Variants in LOXL4 observed in about 807,000 individuals in gnomAD.
The protein encoded by LOXL4 is lysyl oxidase homolog 4.
In LOXL4, 72 loss-of-function variants were observed where a neutral mutation model predicts 89.1. That is an observed-to-expected ratio of 0.81 (90% confidence interval 0.67 to 0.98). The LOEUF is 0.98. Among genes scored for constraint, LOXL4 ranks in the 50% least tolerant of loss-of-function variants. LOXL4 has a pLI of 0.00. For missense variants in LOXL4, 984 were observed against 1,017.5 expected (o/e 0.97, Z 0.45); for synonymous variants, 355 against 392.1 (o/e 0.91, Z 1.12).
chr10:98,252,548 C>G, intron 11 of LOXL4, 80 bp from the exon 12 acceptor site: 4 of 946,856 alleles, frequency 4.2e-6, no homozygotes. Context: ...AAGACAGGCC[C>G]CAGGCCCCAT....
intron 5 of LOXL4, 30 bp downstream of exon 5, chr10:98,259,361 G>A (rs776232381): frequency 1.2e-6 from 2 of 1,610,762 alleles, no homozygotes; most frequent in African/African-American, 1.3e-5. Context: ...ACACCCCTTT[G>A]CCTCCTCCCT....
At position 98,262,143 on chromosome 10, in the gene LOXL4, G is replaced by A. The variant is rs747368279; in HGVS notation, c.348C>T (p.Gly116=). The A allele has an allele frequency of 6.2e-7, 1 of 1,613,670 alleles. No homozygotes were observed. The highest frequency in any genetic ancestry group is 1.1e-5 in the South Asian group (1 of 91,062). ...AGTGACTGCAGTCACTGACTCCCCA[G>A]CCATTAGACCCGCACTGGTCCAAGG... ...ESSLDQCGSN[G]WGVSDCSHSE... is the part of the protein sequence containing the mutation. Residue 116 remains glycine (G), a synonymous_variant, in exon 3 of 15, where the codon GGC becomes GGT. Coordinates refer to ENST00000260702, the MANE Select transcript of LOXL4 (RefSeq NM_032211.7).
chr10:98,251,309 G>T, intron 13 of LOXL4, 133 bp from the exon 14 acceptor site: 1 of 819,176 alleles, frequency 1.2e-6, no homozygotes, highest in Non-Finnish European at 2.0e-6. Context: ...GGTAGGTACT[G>T]ATGTTCCCAT....
At chr10:98,252,620 T>G (rs552527561) in intron 11 of LOXL4, 152 bp from the exon 12 acceptor site, 1 of 593,124 alleles carries the variant, frequency 1.7e-6, no homozygotes, top group African/African-American at 1.9e-5. Flanking sequence ...CCGAGATTAG[T>G]GTGACGCACA....
rs3793692 is a variant in LOXL4, at chr10:98,248,679, G to A, written c.*242C>T. 0.34 allele frequency: 151,254 copies of A among 447,712 alleles called. 27,007 individuals carry two copies. The highest frequency in any genetic ancestry group is 0.5 in the East Asian group (13,154 of 26,092). The allele number at this position is 447,712 out of a possible 1,614,324, so 27.7% of individuals were successfully genotyped here. A position where few individuals can be genotyped will look rare whatever the true frequency, so the allele number is the denominator to read the frequency against. ...TTCCTTACAGAAGAGGAGCTCAGCT[G>A]AGCAAAGCCTGGAGGACATATTCCA... On this transcript the variant is annotated 3_prime_UTR_variant, in exon 15 of 15. Coordinates refer to ENST00000260702, the MANE Select transcript of LOXL4 (RefSeq NM_032211.7).
At position 98,258,157 on chromosome 10, in the gene LOXL4, C is replaced by G; in HGVS notation, c.929G>C (p.Arg310Thr). 1.2e-6 allele frequency: 2 copies of G among 1,610,340 alleles called. No individual in the cohort carries two copies. Among genetic ancestry groups the G allele is most frequent in the South Asian group, 2.2e-5 (2 of 90,962 alleles). ...QRKGSWAEEPRVRLRSGAQVG... is the reference protein window; with the variant it reads ...QRKGSWAEEPTVRLRSGAQVG... ...CTGGGCCCCGGAGCGCAGGCGCACC[C>G]TCGGCTCCTGCTGGGAGAAACCTGC... Residue 310 changes from arginine (R) to threonine (T), a missense_variant, in exon 7 of 15, where the codon AGG becomes ACG. Arg to Thr is a moderately conservative substitution (Grantham distance 71). Coordinates refer to ENST00000260702, the MANE Select transcript of LOXL4 (RefSeq NM_032211.7).
chr10:98,253,831 G>C (rs1268126752), intron 10 of LOXL4, 35 bp from the exon 11 acceptor site: 2 of 1,611,576 alleles, frequency 1.2e-6, no homozygotes, highest in Non-Finnish European at 1.7e-6. Context: ...TGACTCAAAG[G>C]GTGGAAAGGC....
In LOXL4 at chr10:98,261,073, G is replaced by T. The variant is rs745930819; in HGVS notation, c.511C>A (p.His171Asn). 2 of 1,613,838 alleles carry T rather than the reference G, an allele frequency of 1.2e-6. No homozygotes were observed. Among genetic ancestry groups the T allele is most frequent in the Non-Finnish European group, 1.7e-6 (2 of 1,180,034 alleles). ...LKPILASAKQ[H>N]SPVTEGAVEV... ...ACGGCTCCCTCGGTCACTGGGCTAT[G>T]CTGCTTGGCACTGGCAAGGATGGGC... Residue 171 changes from histidine to asparagine, a missense_variant, in exon 4 of 15, where the codon CAT (histidine) becomes AAT (asparagine). Coordinates refer to ENST00000260702, the MANE Select transcript of LOXL4 (RefSeq NM_032211.7).
At chr10:98,251,850 G>T in intron 12 of LOXL4, 148 bp from the exon 13 acceptor site, 2 of 928,874 alleles carry the variant, frequency 2.2e-6, no homozygotes, top group Non-Finnish European at 3.1e-6. Context: ...CAGCACCATA[G>T]CAAACCACAT....
At chr10:98,258,231 G>T in intron 6 of LOXL4, 67 bp from the exon 7 acceptor site, 1 of 1,481,306 alleles carries the variant, frequency 6.8e-7, no homozygotes, top group Non-Finnish European at 9.1e-7. Flanking sequence ...AGCCCCCACA[G>T]CGGGATCCCC....
chr10:98,248,730 C>A lies in LOXL4; in HGVS notation c.*191G>T. 7 of 595,688 alleles carry A rather than the reference C, an allele frequency of 1.2e-5. No homozygotes were observed. In the South Asian group the frequency reaches 1.4e-4, roughly 12 times the overall value. 36.9% of individuals were successfully genotyped at this position (595,688 alleles called of 1,614,324 possible). On this transcript the variant is annotated 3_prime_UTR_variant, in exon 15 of 15. Transcript: ENST00000260702. ...TAGGCCACAGGCCCTTAGGGGCAGGCCCAGAGCCATCCTGAGGGAGCAATA... is the reference window on the plus strand; with the variant it reads ...TAGGCCACAGGCCCTTAGGGGCAGGACCAGAGCCATCCTGAGGGAGCAATA...
chr10:98,257,894 G>T (rs190460417), intron 7 of LOXL4, 87 bp downstream of exon 7: 3 of 1,580,488 alleles, frequency 1.9e-6, no homozygotes, highest in Non-Finnish European at 2.6e-6. Flanking sequence ...ATAACTTTCT[G>T]TCCTGGCCCT....
Position 98,260,984 on chromosome 10 carries a change from G to A in LOXL4, c.600C>T (p.Ser200=), listed in dbSNP as rs1858520707. 3 of 1,613,942 alleles carry A rather than the reference G, an allele frequency of 1.9e-6. No homozygotes were observed. Among genetic ancestry groups the A allele is most frequent in the Middle Eastern group, 1.6e-4 (1 of 6,062 alleles). ...AGCCCAGCATCCCGCACACCACCCTGCTGTTGTTCATGGTCCAGCCCTGGT... is the reference window on the plus strand; with the variant it reads ...AGCCCAGCATCCCGCACACCACCCTACTGTTGTTCATGGTCCAGCCCTGGT... ...VCDQGWTMNN[S]RVVCGMLGFP... The change falls in exon 4 of 15, where the codon AGC becomes AGT. Residue 200 remains serine (S), a synonymous_variant. Transcript: ENST00000260702.
rs150621494 is a variant in LOXL4 at position 98,254,910 on chromosome 10, T to C, written c.1591+667A>G. On this transcript the variant is annotated intron_variant, in intron 10 of 14. Transcript: ENST00000260702. ...CTGACAAAGATGAAGGATATCTTGG[T>C]GTCGAAATTTGGCCACGAACAAGGT... Among the ~76,000 whole-genome samples the C allele has an allele frequency of 1.3e-4, 20 of 152,292 alleles. No individual in the cohort carries two copies. The East Asian group carries it at 3.3e-3, about 25-fold the overall frequency.
At position 98,253,595 on chromosome 10, in the gene LOXL4, G is replaced by C. The variant is rs144319400; in HGVS notation, c.1793C>G (p.Pro598Arg). The change falls in exon 11 of 15, where the codon CCA becomes CGA. Residue 598 changes from proline to arginine, a missense_variant. By Grantham distance (103) the Pro-to-Arg change is moderately radical. Transcript: ENST00000260702. ...IYNLGRTDFR[P>R]KTGRDSWVWH... is the part of the protein sequence containing the mutation. ...AACCCAGCTATCGCGTCCAGTCTTT[G>C]GACGAAAGTCAGTCCGGCCCAGATT... The C allele has an allele frequency of 6.2e-7, 1 of 1,614,280 alleles. No homozygotes were observed. The highest frequency in any genetic ancestry group is 2.2e-5 in the East Asian group (1 of 44,884).
At chr10:98,262,314 C>T in intron 2 of LOXL4, 101 bp from the exon 3 acceptor site, 1 of 1,282,294 alleles carries the variant, frequency 7.8e-7, no homozygotes, top group Non-Finnish European at 1.1e-6. Flanking sequence ...CTCTTCCAAA[C>T]CCTGGGAGAA....
chr10:98,252,188 G>A (rs1036595622), intron 12 of LOXL4, 165 bp downstream of exon 12: 17 of 609,412 alleles, frequency 2.8e-5, no homozygotes, highest in Middle Eastern at 3.1e-4. Context: ...AACCTCCTGC[G>A]TAAGATTTCA....
intron 10 of LOXL4, among the ~76,000 whole-genome samples, chr10:98,254,756 C>T (rs1227108921): frequency 6.6e-6 from 1 of 152,112 alleles, no homozygotes; most frequent in Admixed American, 6.5e-5. Flanking sequence ...GAGCAGGCTC[C>T]CCACGTGCTG....
intron 2 of LOXL4, 108 bp downstream of exon 2, chr10:98,262,635 G>A: frequency 1.5e-6 from 2 of 1,333,716 alleles, no homozygotes; most frequent in Non-Finnish European, 2.1e-6. Context: ...CCGTGTGGAG[G>A]AGGTCACATG....
Sources: allele counts gnomAD v4.1 joint callset (sites outside exome capture counted in the v4.1 genomes callset), GRCh38; gene constraint gnomAD v4.1.1; transcripts MANE v1.5; gene names NCBI Gene and HGNC (gene_info 2026-07-23, HGNC 2026-07-21).